Variants in CCDC178 observed in about 807,000 individuals in gnomAD.
CCDC178 encodes coiled-coil domain-containing protein 178.
CCDC178 carries 126 observed loss-of-function variants against 117.4 expected under a neutral mutation model. That is an observed-to-expected ratio of 1.07 (90% CI 0.93 to 1.24). The LOEUF (loss-of-function observed/expected upper bound fraction) is 1.24, where lower values mean the gene tolerates loss of function less well. CCDC178 is among the 50% of genes most tolerant of loss of function. CCDC178 has a pLI of 0.00. For missense variants in CCDC178, 1,030 were observed against 986.9 expected (o/e 1.04, Z -0.59); for synonymous variants, 283 against 313.4 (o/e 0.90, Z 1.02).
chr18:33,304,378 T>C (rs2062220634), intron 11 of CCDC178, among the ~76,000 whole-genome samples: 1 of 152,220 alleles, frequency 6.6e-6, no homozygotes, highest in Admixed American at 6.5e-5. Flanking sequence ...GGCCTCTCCA[T>C]AGAGCATCTC....
chr18:33,375,832 G>T (rs1050569751), intron 5 of CCDC178, among the ~76,000 whole-genome samples: 2 of 152,176 alleles, frequency 1.3e-5, no homozygotes, highest in African/African-American at 4.8e-5. Flanking sequence ...TGGCAAATCT[G>T]TACTGGTCCA....
At position 32,938,084 on chromosome 18, in the gene CCDC178, GA is replaced by G. The variant is rs1298962084; in HGVS notation, c.2530del (p.Ser844LeufsTer4). The G allele has an allele frequency of 8.7e-6, 14 of 1,611,910 alleles. No homozygotes were observed. The highest frequency in any genetic ancestry group is 1.2e-5 in the Non-Finnish European group (14 of 1,178,282). ...IQKILAVQEE[S>X]SNLMQHILGF... Reference sequence around the variant, plus strand: ...TAAGATGTGTTGCATTAAATTTGAAGATTCCTCCTGTTCAGAAGCAAGAAAC... The same window carrying G: ...TAAGATGTGTTGCATTAAATTTGAAGTTCCTCCTGTTCAGAAGCAAGAAAC... On this transcript the variant is annotated frameshift_variant, in exon 23 of 23. Coordinates refer to ENST00000383096, the MANE Select transcript of CCDC178 (RefSeq NM_001105528.4). LOFTEE classifies it high-confidence loss of function.
chr18:33,040,463 T>A (rs912083444), intron 21 of CCDC178, among the ~76,000 whole-genome samples: 6 of 152,010 alleles, frequency 3.9e-5, no homozygotes, highest in African/African-American at 1.4e-4. Flanking sequence ...CATTAAAATG[T>A]AATAGTACTT....
chr18:33,375,630 G>A (rs2063354210), intron 5 of CCDC178, among the ~76,000 whole-genome samples: 2 of 152,146 alleles, frequency 1.3e-5, no homozygotes, highest in Admixed American at 6.6e-5. Flanking sequence ...GAAAGGCTAC[G>A]GAAGAAAAGG....
At chr18:33,095,212 C>T (rs527909615) in intron 20 of CCDC178, among the ~76,000 whole-genome samples, 2 of 151,890 alleles carry the variant, frequency 1.3e-5, no homozygotes, top group East Asian at 3.9e-4. Flanking sequence ...AACACTTTCT[C>T]AAAGACAGAT....
intron 7 of CCDC178, among the ~76,000 whole-genome samples, chr18:33,354,767 T>A (rs1467917142): frequency 6.6e-6 from 1 of 151,966 alleles, no homozygotes; most frequent in Non-Finnish European, 1.5e-5. Flanking sequence ...CAGGCCACCA[T>A]GCGCAGCTAA....
At chr18:33,267,352 TA>T in intron 12 of CCDC178, 55 bp from the exon 13 acceptor site, 1 of 994,278 alleles carries the variant, frequency 1.0e-6, no homozygotes. Flanking sequence ...CATCCTTCCA[TA>T]AGGTAAAAAA....
chr18:33,311,680 C>T (rs1339796634), intron 11 of CCDC178, among the ~76,000 whole-genome samples: 1 of 152,168 alleles, frequency 6.6e-6, no homozygotes, highest in Non-Finnish European at 1.5e-5. Flanking sequence ...AGGGCTTGTG[C>T]CACCAAGGTG....
chr18:33,391,571 A>G (rs1269244565), intron 4 of CCDC178, among the ~76,000 whole-genome samples: 5 of 152,182 alleles, frequency 3.3e-5, no homozygotes, highest in African/African-American at 1.2e-4. Flanking sequence ...AACTAGCTGC[A>G]CTATATAACT....
At chr18:33,015,015 G>C (rs746639913) in intron 21 of CCDC178, among the ~76,000 whole-genome samples, 25 of 152,278 alleles carry the variant, frequency 1.6e-4, no homozygotes, top group Middle Eastern at 3.4e-3. Context: ...CAGCACTTTG[G>C]GAGGCCGAGG....
At chr18:33,040,308 G>A (rs1391886267) in intron 21 of CCDC178, among the ~76,000 whole-genome samples, 1 of 151,776 alleles carries the variant, frequency 6.6e-6, no homozygotes, top group Non-Finnish European at 1.5e-5. Flanking sequence ...ACAAAAGTGA[G>A]GAGAGTCTAA....
intron 22 of CCDC178, among the ~76,000 whole-genome samples, chr18:32,946,726 T>TTG (rs1555687486): frequency 1.3e-5 from 2 of 150,584 alleles, no homozygotes; most frequent in Non-Finnish European, 3.0e-5. Flanking sequence ...TTTTTGGGTT[T>TTG]TTTTTTTTTT....
intron 20 of CCDC178, among the ~76,000 whole-genome samples, chr18:33,189,266 T>G (rs2144510546): frequency 6.6e-6 from 1 of 152,196 alleles, no homozygotes; most frequent in Middle Eastern, 3.4e-3. Context: ...AGATGAGGGG[T>G]TTGCTAAGGG....
At chr18:33,159,836 A>G (rs1265310679) in intron 20 of CCDC178, among the ~76,000 whole-genome samples, 1 of 152,118 alleles carries the variant, frequency 6.6e-6, no homozygotes, top group Non-Finnish European at 1.5e-5. Context: ...CTGGAGGTAG[A>G]AATAAACAGG....
At chr18:33,035,829 G>A (rs1014603141) in intron 21 of CCDC178, among the ~76,000 whole-genome samples, 1 of 151,844 alleles carries the variant, frequency 6.6e-6, no homozygotes, top group East Asian at 1.9e-4. Flanking sequence ...ATATTCAAAA[G>A]AGTTTGGTTT....
At chr18:33,284,948 C>T (rs2060079617) in intron 12 of CCDC178, among the ~76,000 whole-genome samples, 1 of 151,472 alleles carries the variant, frequency 6.6e-6, no homozygotes, top group East Asian at 1.9e-4. Flanking sequence ...CACACACACA[C>T]ACATTAAACA....
At chr18:33,346,740 T>G (rs2062899863) in intron 8 of CCDC178, among the ~76,000 whole-genome samples, 2 of 152,140 alleles carry the variant, frequency 1.3e-5, no homozygotes, top group Non-Finnish European at 2.9e-5. Flanking sequence ...TTTAAAATCA[T>G]GCTTGTGTGT....
rs558027519 is a variant in CCDC178 at position 33,043,319 on chromosome 18, A to T, written c.2388+49442T>A. The stretch of plus-strand genomic sequence containing the variant: ...TACAGAGACTACAGTTCTACTGAGA[A>T]TTATCATAGAACAATATGTTTATTC... On this transcript the variant is annotated intron_variant, in intron 21 of 22. Transcript: ENST00000383096. 2.0e-5 allele frequency among the ~76,000 whole-genome samples: 3 copies of T among 152,228 alleles called. No homozygotes were observed. In the East Asian group the frequency reaches 5.8e-4, roughly 29 times the overall value.
intron 9 of CCDC178, among the ~76,000 whole-genome samples, chr18:33,343,503 G>A (rs894831631): frequency 2.0e-5 from 3 of 152,108 alleles, no homozygotes; most frequent in African/African-American, 7.2e-5. Flanking sequence ...GATGGAGAGT[G>A]GGGCAGTCAG....
Sources: allele counts gnomAD v4.1 joint callset (sites outside exome capture counted in the v4.1 genomes callset), GRCh38; gene constraint gnomAD v4.1.1; transcripts MANE v1.5; gene names NCBI Gene and HGNC (gene_info 2026-07-23, HGNC 2026-07-21).